Variants in AKT2 observed in about 807,000 individuals in gnomAD.
The protein encoded by AKT2 is RAC-beta serine/threonine-protein kinase.
Under a neutral mutation model 58.6 loss-of-function variants are expected in AKT2, and 16 were observed. That is an observed-to-expected ratio of 0.27 (90% CI 0.18 to 0.41). The LOEUF is 0.41. Among genes scored for constraint, AKT2 ranks in the 10% least tolerant of loss-of-function variants. AKT2 has a pLI of 1.00. For synonymous variants in AKT2, 253 were observed against 254.0 expected (o/e 1.00, Z 0.04); for missense variants, 438 against 661.0 (o/e 0.66, Z 3.70).
At chr19:40,282,677 A>G (rs1409360980) in intron 1 of AKT2, 1 of 372,690 alleles carries the variant, frequency 2.7e-6, no homozygotes, top group East Asian at 8.5e-5. Flanking sequence ...GCATGGCACT[A>G]GGGGCTCAGT....
chr19:40,261,699 G>A (rs541724029), intron 2 of AKT2, among the ~76,000 whole-genome samples: 33 of 152,114 alleles, frequency 2.2e-4, no homozygotes, highest in South Asian at 1.0e-3. Flanking sequence ...ACCCAGTCTC[G>A]GGTAATATGT....
chr19:40,233,949 C>G lies in AKT2; in HGVS notation c.1369G>C (p.Asp457His). 1.2e-6 allele frequency: 2 copies of G among 1,610,718 alleles called. No homozygotes were observed. Among genetic ancestry groups the G allele is most frequent in the South Asian group, 2.2e-5 (2 of 91,034 alleles). Residue 457 changes from aspartate to histidine, a missense_variant and splice_region_variant, in exon 14 of 14, where the codon GAC becomes CAC. By Grantham distance (81) the Asp-to-His change is moderately conservative. Transcript: ENST00000392038. The surrounding 1 kb of genome is among the most constrained non-coding windows in gnomAD (Gnocchi z 4.3). ...TCCAGCTCCAGTAAGCCCAGGCTGT[C>G]ATCTGTGGGCGGCAGAGGTGGATGG... ...SITITPPDRY[D>H]SLGLLELDQR...
At chr19:40,247,486 C>T (rs894614675) in intron 4 of AKT2, among the ~76,000 whole-genome samples, 2 of 152,188 alleles carry the variant, frequency 1.3e-5, no homozygotes, top group African/African-American at 2.4e-5. Flanking sequence ...TAGCACCACC[C>T]GCCTGTCCCT....
In AKT2 at chr19:40,237,160, G is replaced by A. The variant is rs1181559050; in HGVS notation, c.832-775C>T. 1 of 154,818 alleles carries A rather than the reference G, an allele frequency of 6.5e-6. No individual in the cohort carries two copies. Among genetic ancestry groups the A allele is most frequent in the Non-Finnish European group, 1.4e-5 (1 of 69,866 alleles). 9.6% of individuals were successfully genotyped at this position (154,818 alleles called of 1,614,324 possible). ...CCTAACTGCTGTGTGGCGTCCCACTGTGAGAACACTCCACAGTGGATCTGA... is the reference window on the plus strand; with the variant it reads ...CCTAACTGCTGTGTGGCGTCCCACTATGAGAACACTCCACAGTGGATCTGA... On this transcript the variant is annotated intron_variant, in intron 9 of 13. Coordinates refer to ENST00000392038, the MANE Select transcript of AKT2 (RefSeq NM_001626.6). This position sits in a 1 kb window ranked among gnomAD's most constrained non-coding sequence, Gnocchi z 4.5.
At chr19:40,260,246 G>C (rs914344434) in intron 2 of AKT2, among the ~76,000 whole-genome samples, 3 of 152,070 alleles carry the variant, frequency 2.0e-5, no homozygotes, top group Non-Finnish European at 4.4e-5. Context: ...AAAAAAACAA[G>C]TGTTGGCAAG....
rs186770479 is a variant in AKT2, at chr19:40,264,392, T to C, written c.46+830A>G. Among the ~76,000 whole-genome samples, 457 of 152,240 alleles carry C rather than the reference T, an allele frequency of 3.0e-3. 2 individuals are homozygous for C. Among genetic ancestry groups the C allele is most frequent in the African/African-American group, 0.011 (448 of 41,544 alleles). On this transcript the variant is annotated intron_variant, in intron 2 of 13. Coordinates refer to ENST00000392038, the MANE Select transcript of AKT2 (RefSeq NM_001626.6). ...AAAGGGGACCTCAGCTTCCCACTAGTACAAATGGATCAGGCCACGCATCGG... is the reference window on the plus strand; with the variant it reads ...AAAGGGGACCTCAGCTTCCCACTAGCACAAATGGATCAGGCCACGCATCGG...
chr19:40,233,864 C>CA lies in AKT2; in HGVS notation c.*7dup, dbSNP rs774534893. 2 of 1,610,430 alleles carry CA rather than the reference C, an allele frequency of 1.2e-6. No individual in the cohort carries two copies. The highest frequency in any genetic ancestry group is 2.2e-5 in the South Asian group (2 of 91,056). On this transcript the variant is annotated 3_prime_UTR_variant, in exon 14 of 14. Coordinates refer to ENST00000392038, the MANE Select transcript of AKT2 (RefSeq NM_001626.6). The surrounding 1 kb of genome is among the most constrained non-coding windows in gnomAD (Gnocchi z 4.3). ...AGCGAGCGTGCGTCCTCTGCGTGGG[C>CA]AGACTGCTCACTCGCGGATGCTGGC...
intron 4 of AKT2, among the ~76,000 whole-genome samples, chr19:40,247,998 C>A (rs1011392707): frequency 1.1e-4 from 17 of 152,326 alleles, no homozygotes; most frequent in Admixed American, 8.5e-4. Flanking sequence ...GGGAAGGGCA[C>A]AGTACGGGGC....
intron 1 of AKT2, chr19:40,283,271 G>A (rs548341225): frequency 2.2e-4 from 33 of 152,368 alleles, no homozygotes; most frequent in African/African-American, 7.9e-4. Context: ...TCCAAACAGT[G>A]TGTGGCCCAC....
intron 1 of AKT2, among the ~76,000 whole-genome samples, chr19:40,278,741 C>A (rs181965959): frequency 1.3e-5 from 2 of 152,114 alleles, no homozygotes; most frequent in East Asian, 1.9e-4. Context: ...TTCATCCCGC[C>A]GCCTCCTCAG....
rs4574034 is a variant in AKT2 at position 40,231,335 on chromosome 19, C to G, written c.*2537G>C. The stretch of plus-strand genomic sequence containing the variant: ...AACGTGGGTCAACTCGGGGCTGGGA[C>G]GAGATGGAAGAGTAAAAGGCCTTTC... On this transcript the variant is annotated 3_prime_UTR_variant, in exon 14 of 14. Coordinates refer to ENST00000392038, the MANE Select transcript of AKT2 (RefSeq NM_001626.6). The G allele has an allele frequency of 4.3e-6, 1 of 232,550 alleles. No homozygotes were observed. Among genetic ancestry groups the G allele is most frequent in the South Asian group, 1.8e-4 (1 of 5,514 alleles). 14.4% of individuals were successfully genotyped at this position (232,550 alleles called of 1,614,324 possible).
At position 40,251,562 on chromosome 19, in the gene AKT2, A is replaced by T. The variant is rs138197206; in HGVS notation, c.287+3596T>A. Among the ~76,000 whole-genome samples, 519 of 152,334 alleles carry T rather than the reference A, an allele frequency of 3.4e-3. 3 individuals carry two copies. Among genetic ancestry groups the T allele is most frequent in the African/African-American group, 9.6e-3 (401 of 41,564 alleles). On this transcript the variant is annotated intron_variant, in intron 4 of 13. Transcript: ENST00000392038. ...AGCCTGGCTTGTCAAAAAAATAAAT[A>T]AATTAATAAAAAATCAATGTCTTGG...
intron 3 of AKT2, 43 bp downstream of exon 3, chr19:40,256,883 C>G (rs777364598): frequency 1.2e-6 from 2 of 1,613,238 alleles, no homozygotes. Flanking sequence ...TGCCAGCCAT[C>G]CTGTGAGCAC....
intron 4 of AKT2, among the ~76,000 whole-genome samples, chr19:40,252,894 A>G (rs1041702308): frequency 1.3e-5 from 2 of 152,218 alleles, no homozygotes; most frequent in Non-Finnish European, 2.9e-5. Context: ...GTTTTGGTCC[A>G]TAGTTTTCAA....
intron 3 of AKT2, 118 bp downstream of exon 3, chr19:40,256,808 C>T (rs1975572426): frequency 2.0e-6 from 3 of 1,508,096 alleles, no homozygotes; most frequent in South Asian, 1.1e-5. Context: ...AAAACAGATC[C>T]AAGGGCAAGC....
intron 1 of AKT2, chr19:40,274,641 A>G (rs1453762195): frequency 4.4e-6 from 1 of 229,830 alleles, no homozygotes. Context: ...AGAAGGGCGC[A>G]CTGAGGCAGC....
chr19:40,253,309 G>T (rs1975301040), intron 4 of AKT2, among the ~76,000 whole-genome samples: 1 of 152,134 alleles, frequency 6.6e-6, no homozygotes, highest in Admixed American at 6.6e-5. Context: ...TTACCCCATA[G>T]ATAAGCTAGA....
At chr19:40,282,957 G>A in intron 1 of AKT2, 2 of 165,998 alleles carry the variant, frequency 1.2e-5, no homozygotes, top group South Asian at 1.4e-4. Flanking sequence ...GGAAATCTTT[G>A]CACTTCACAG....
chr19:40,265,113 G>A, intron 2 of AKT2, 109 bp downstream of exon 2: 4 of 1,500,064 alleles, frequency 2.7e-6, no homozygotes, highest in Non-Finnish European at 3.6e-6. Context: ...GCTGCGGAAT[G>A]CTGGCTCCTC....
Sources: gnomAD v4.1 joint callset for allele counts (sites outside exome capture counted in the v4.1 genomes callset) on GRCh38, gnomAD v4.1.1 for gene constraint, Gnocchi (gnomAD v3.1) non-coding constraint, MANE v1.5 for transcripts, NCBI Gene and HGNC (gene_info 2026-07-23, HGNC 2026-07-21) for gene names.